Variants in SHISA9 observed in about 807,000 individuals in gnomAD.
SHISA9 encodes the protein shisa family member 9, also known as protein shisa-9.
A neutral mutation model predicts 38.0 loss-of-function variants in SHISA9; 13 were observed. That is an observed-to-expected ratio of 0.34 (90% CI 0.22 to 0.54). The LOEUF (loss-of-function observed/expected upper bound fraction) is 0.54. Among genes scored for constraint, SHISA9 ranks in the 20% least tolerant of loss-of-function variants. The pLI, the probability that SHISA9 is intolerant of heterozygous loss-of-function variation, is 0.91. For missense variants in SHISA9, 538 were observed against 575.8 expected (o/e 0.93, Z 0.67); for synonymous variants, 275 against 242.0 (o/e 1.14, Z -1.27).
At chr16:13,407,841 T>C in the SHISA9 span, among the ~76,000 whole-genome samples, 1 of 152,198 alleles carries the variant, frequency 6.6e-6, no homozygotes, top group African/African-American at 2.4e-5. Context: ...TTGTAGATAT[T>C]ATTGTGTAAT....
At chr16:13,481,405 C>T in the SHISA9 span, among the ~76,000 whole-genome samples, 4 of 152,216 alleles carry the variant, frequency 2.6e-5, no homozygotes, top group South Asian at 4.1e-4. Flanking sequence ...AACGTTACAA[C>T]GTACTCCTTC....
Position 13,148,718 on chromosome 16 carries a change from C to CACACACAT in SHISA9, c.692-54675_692-54674insCACACATA, listed in dbSNP as rs1555465949. Among the ~76,000 whole-genome samples, 129 of 150,036 alleles carry CACACACAT rather than the reference C, an allele frequency of 8.6e-4. 2 individuals are homozygous for CACACACAT. In the East Asian group the frequency reaches 9.6e-3, roughly 11 times the overall value. On this transcript the variant is annotated intron_variant, in intron 2 of 4. Transcript: ENST00000558583. ...ACACACACACACACACACACACACA[C>CACACACAT]ATCATGACTATACCCTGCATATAGA...
the SHISA9 span, among the ~76,000 whole-genome samples, chr16:13,336,199 C>T: frequency 2.0e-5 from 3 of 152,130 alleles, no homozygotes; most frequent in African/African-American, 7.2e-5. Flanking sequence ...TCACCAGAAC[C>T]AATTTTCTCC....
intron 2 of SHISA9, among the ~76,000 whole-genome samples, chr16:12,951,756 C>T (rs1275421422): frequency 6.6e-6 from 1 of 152,142 alleles, no homozygotes; most frequent in Non-Finnish European, 1.5e-5. Flanking sequence ...TCCCTGCCTT[C>T]ACCACTGACC....
chr16:13,157,362 T>G (rs1161646366), intron 2 of SHISA9, among the ~76,000 whole-genome samples: 1 of 152,218 alleles, frequency 6.6e-6, no homozygotes, highest in Non-Finnish European at 1.5e-5. Flanking sequence ...TAATACTTGA[T>G]TAGCAGAGAA....
chr16:13,050,372 C>T (rs1011320575), intron 2 of SHISA9, among the ~76,000 whole-genome samples: 1 of 152,248 alleles, frequency 6.6e-6, no homozygotes, highest in South Asian at 2.1e-4. Flanking sequence ...GGCTCCGTCA[C>T]CCAGGCTGGA....
chr16:13,446,020 G>A, the SHISA9 span, among the ~76,000 whole-genome samples: 135 of 152,010 alleles, frequency 8.9e-4, 2 homozygotes, highest in Non-Finnish European at 1.5e-3. Context: ...TCAGCTCACC[G>A]CAGCCTCCGA....
chr16:13,007,562 T>G (rs1012825644), intron 2 of SHISA9, among the ~76,000 whole-genome samples: 1 of 152,190 alleles, frequency 6.6e-6, no homozygotes, highest in African/African-American at 2.4e-5. Context: ...TTTTCATTAC[T>G]GAAAAGCCTG....
the SHISA9 span, among the ~76,000 whole-genome samples, chr16:13,553,585 A>G: frequency 6.6e-6 from 1 of 151,998 alleles, no homozygotes; most frequent in African/African-American, 2.4e-5. Flanking sequence ...TTAGATTGGA[A>G]CTCCAGAACC....
chr16:13,096,512 A>T (rs527468500), intron 2 of SHISA9, among the ~76,000 whole-genome samples: 29 of 152,254 alleles, frequency 1.9e-4, no homozygotes, highest in African/African-American at 7.0e-4. Flanking sequence ...CTGATGCAAG[A>T]CTCATGCTGA....
intron 2 of SHISA9, among the ~76,000 whole-genome samples, chr16:13,021,573 A>C (rs1006308778): frequency 2.6e-5 from 4 of 152,190 alleles, no homozygotes; most frequent in Non-Finnish European, 4.4e-5. Flanking sequence ...GATGAACAAC[A>C]TCTCTTTCAT....
the SHISA9 span, among the ~76,000 whole-genome samples, chr16:13,300,157 G>A: frequency 6.6e-6 from 1 of 152,152 alleles, no homozygotes; most frequent in African/African-American, 2.4e-5. Flanking sequence ...ACAAAGCCTA[G>A]AAGTAGCAGG....
intron 1 of SHISA9, among the ~76,000 whole-genome samples, chr16:12,908,204 T>C (rs1054168606): frequency 1.3e-5 from 2 of 152,170 alleles, no homozygotes; most frequent in African/African-American, 4.8e-5. Context: ...AATTATGTTG[T>C]CATCTGGATC....
the SHISA9 span, among the ~76,000 whole-genome samples, chr16:13,556,397 T>C: frequency 6.6e-6 from 1 of 152,094 alleles, no homozygotes; most frequent in South Asian, 2.1e-4. Flanking sequence ...TTTCACTTAA[T>C]TGATTAATAA....
chr16:13,156,733 C>CAA (rs11289895), intron 2 of SHISA9, among the ~76,000 whole-genome samples: 9 of 111,430 alleles, frequency 8.1e-5, no homozygotes, highest in African/African-American at 1.8e-4. Flanking sequence ...GACTCCGTCT[C>CAA]AAAAAAAAAA....
chr16:13,084,936 G>C (rs1204249283), intron 2 of SHISA9, among the ~76,000 whole-genome samples: 1 of 152,200 alleles, frequency 6.6e-6, no homozygotes, highest in African/African-American at 2.4e-5. Context: ...GAAAGACCAG[G>C]GTGGCTGGAG....
At chr16:13,196,002 C>T (rs537347270) in intron 2 of SHISA9, among the ~76,000 whole-genome samples, 6 of 132,258 alleles carry the variant, frequency 4.5e-5, no homozygotes, top group South Asian at 2.6e-4. Flanking sequence ...GCAGGAGAAT[C>T]GCTTGAACCC....
At chr16:12,941,665 C>T (rs1204514604) in intron 2 of SHISA9, among the ~76,000 whole-genome samples, 2 of 152,178 alleles carry the variant, frequency 1.3e-5, no homozygotes, top group Admixed American at 6.5e-5. Context: ...CCAGCCTGAC[C>T]AGCATGGTGA....
chr16:13,231,097 T>C (rs973545897), intron 4 of SHISA9, among the ~76,000 whole-genome samples: 1 of 152,234 alleles, frequency 6.6e-6, no homozygotes, highest in Non-Finnish European at 1.5e-5. Context: ...AACCTCATTT[T>C]ACCCAGCTGC....
Sources: allele counts gnomAD v4.1 joint callset (sites outside exome capture counted in the v4.1 genomes callset), GRCh38; gene constraint gnomAD v4.1.1; transcripts MANE v1.5; gene names NCBI Gene and HGNC (gene_info 2026-07-23, HGNC 2026-07-21).